RUVBL2: variants seen among roughly 807,000 people sequenced by gnomAD.
The protein encoded by RUVBL2 is RuvB like AAA ATPase 2.
Under a neutral mutation model 57.9 loss-of-function variants are expected in RUVBL2, and 9 were observed. The ratio of observed to expected loss-of-function variants is 0.16; its 90% CI spans 0.09 to 0.27. The LOEUF (loss-of-function observed/expected upper bound fraction) is 0.27, where lower values mean the gene tolerates loss of function less well. RUVBL2 is among the 10% of genes least tolerant of loss of function. RUVBL2 has a pLI of 1.00. For missense variants in RUVBL2, 456 were observed against 669.6 expected (o/e 0.68, Z 3.52); for synonymous variants, 278 against 264.6 (o/e 1.05, Z -0.49).
In RUVBL2 at chr19:49,004,258, G is replaced by T; in HGVS notation, c.124-19G>T. 2 of 1,608,228 alleles carry T rather than the reference G, an allele frequency of 1.2e-6. No homozygotes were observed. The highest frequency in any genetic ancestry group is 8.5e-7 in the Non-Finnish European group (1 of 1,179,494). ...GTAGCCCCACAGGAAATCACCTCAT[G>T]TGCGCCTCCCACCCACAGGCTTCGC... On this transcript the variant is annotated intron_variant, in intron 3 of 14. Coordinates refer to ENST00000595090, the MANE Select transcript of RUVBL2 (RefSeq NM_006666.3).
intron 11 of RUVBL2, among the ~76,000 whole-genome samples, chr19:49,012,504 G>A (rs965537123): frequency 2.0e-5 from 3 of 152,168 alleles, no homozygotes; most frequent in Non-Finnish European, 4.4e-5. Flanking sequence ...GACTGCCCAG[G>A]GGCACCTCCT....
intron 1 of RUVBL2, among the ~76,000 whole-genome samples, chr19:48,997,331 A>G (rs1276138957): frequency 6.6e-6 from 1 of 152,132 alleles, no homozygotes; most frequent in Non-Finnish European, 1.5e-5. Flanking sequence ...ATGTATCAGA[A>G]CTCCATTCCT....
At position 49,011,344 on chromosome 19, in the gene RUVBL2, G is replaced by A. The variant is rs1458596155; in HGVS notation, c.1001+34G>A. On this transcript the variant is annotated intron_variant, in intron 11 of 14. Transcript: ENST00000595090. This position sits in a 1 kb window ranked among gnomAD's most constrained non-coding sequence, Gnocchi z 4.4. Reference sequence around the variant, plus strand: ...GCTACAGGGGCCTCTGGGGAAAACAGGATGCTCTGGGCAGTGGGTGTGGTC... The same window carrying A: ...GCTACAGGGGCCTCTGGGGAAAACAAGATGCTCTGGGCAGTGGGTGTGGTC... 4 of 1,554,366 alleles carry A rather than the reference G, an allele frequency of 2.6e-6. No individual in the cohort carries two copies. In the African/African-American group the frequency reaches 5.4e-5, roughly 21 times the overall value.
At chr19:49,015,502 C>A in intron 13 of RUVBL2, 70 bp from the exon 14 acceptor site, 1 of 1,151,030 alleles carries the variant, frequency 8.7e-7, no homozygotes, top group Non-Finnish European at 1.3e-6. Context: ...ATGGAGGTGG[C>A]ATACGCTGGG....
intron 3 of RUVBL2, among the ~76,000 whole-genome samples, chr19:49,003,711 G>A (rs1380422555): frequency 6.6e-6 from 1 of 151,824 alleles, no homozygotes. Flanking sequence ...TTGAACCTGG[G>A]AGGTGGAGGT....
intron 4 of RUVBL2, among the ~76,000 whole-genome samples, chr19:49,005,082 A>G (rs1040458608): frequency 6.6e-6 from 1 of 151,942 alleles, no homozygotes; most frequent in African/African-American, 2.4e-5. Context: ...CTAGTGGTTT[A>G]TGATCTTTTC....
At chr19:49,002,836 C>T (rs928153449) in intron 2 of RUVBL2, among the ~76,000 whole-genome samples, 3 of 152,114 alleles carry the variant, frequency 2.0e-5, no homozygotes, top group African/African-American at 4.8e-5. Flanking sequence ...CCGCCCGCCT[C>T]GGCCTCCCAA....
chr19:49,005,641 T>C (rs2039268261), intron 4 of RUVBL2, among the ~76,000 whole-genome samples: 1 of 109,608 alleles, frequency 9.1e-6, no homozygotes, highest in Middle Eastern at 4.5e-3. Flanking sequence ...CTCTTCTTCA[T>C]TTTTTTTTTT....
rs1405589790 is a variant in RUVBL2, at chr19:49,015,079, G to A, written c.1180G>A (p.Gly394Arg). The A allele has an allele frequency of 6.2e-7, 1 of 1,609,700 alleles. No homozygotes were observed. Residue 394 changes from glycine to arginine, a missense_variant, in exon 13 of 15, where the codon GGG becomes AGG. By Grantham distance (125) the Gly-to-Arg change is moderately radical (BLOSUM62 -2). Transcript: ENST00000595090. Reference sequence around the variant, plus strand: ...CGCCTACACGGTGCTGACCCGCATCGGGCTGGAGACGTCACTGCGCTACGC... The same window carrying A: ...CGCCTACACGGTGCTGACCCGCATCAGGCTGGAGACGTCACTGCGCTACGC... ...EDAYTVLTRI[G>R]LETSLRYAIQ... is the part of the protein sequence containing the mutation.
rs1182501198 is a variant in RUVBL2 at position 49,007,179 on chromosome 19, C to T, written c.395+32C>T. On this transcript the variant is annotated intron_variant, in intron 5 of 14. Coordinates refer to ENST00000595090, the MANE Select transcript of RUVBL2 (RefSeq NM_006666.3). ...GGGGGACCCGAGGCGGGTGCCAGAC[C>T]CCAGAGCCTGGGAGCAACCCCGCAC... 3 of 1,612,452 alleles carry T rather than the reference C, an allele frequency of 1.9e-6. No homozygotes were observed. The African/African-American group carries it at 4.0e-5, about 21-fold the overall frequency.
At chr19:49,010,409 A>T in intron 8 of RUVBL2, 79 bp from the exon 9 acceptor site, 1 of 1,387,550 alleles carries the variant, frequency 7.2e-7, no homozygotes, top group Admixed American at 1.7e-5. Context: ...AGTCTCCCCC[A>T]GACAGAGGGC....
At chr19:49,010,115 T>C in intron 8 of RUVBL2, 49 bp downstream of exon 8, 2 of 1,519,094 alleles carry the variant, frequency 1.3e-6, no homozygotes, top group Non-Finnish European at 1.8e-6. Context: ...CTGGGGTGTT[T>C]TCATCTCCTC....
chr19:49,001,999 A>G (rs1377336054), intron 2 of RUVBL2, among the ~76,000 whole-genome samples: 1 of 151,970 alleles, frequency 6.6e-6, no homozygotes, highest in Non-Finnish European at 1.5e-5. Context: ...AGGCAGCCAC[A>G]GACAGTATAT....
intron 7 of RUVBL2, 35 bp downstream of exon 7, chr19:49,009,917 G>T (rs1446015225): frequency 1.2e-6 from 2 of 1,612,926 alleles, no homozygotes; most frequent in Non-Finnish European, 1.7e-6. Flanking sequence ...GCAGCCAGGG[G>T]GATGGGCGAG....
rs911653016 is a variant in RUVBL2, at chr19:49,011,122, G to T, written c.882+29G>T. 14 of 1,601,710 alleles carry T rather than the reference G, an allele frequency of 8.7e-6. No homozygotes were observed. In the African/African-American group the frequency reaches 1.9e-4, roughly 21 times the overall value. Reference sequence around the variant, plus strand: ...AGGACCCAGGACATGGCCGGGGCGGGTGGTGGGGTGGAGGTGGGCCGGGGA... The same window carrying T: ...AGGACCCAGGACATGGCCGGGGCGGTTGGTGGGGTGGAGGTGGGCCGGGGA... On this transcript the variant is annotated intron_variant, in intron 10 of 14. Coordinates refer to ENST00000595090, the MANE Select transcript of RUVBL2 (RefSeq NM_006666.3). This position sits in a 1 kb window ranked among gnomAD's most constrained non-coding sequence, Gnocchi z 4.4.
rs371972644 is a variant in RUVBL2, at chr19:49,009,937, A to C, written c.570-36A>C. The C allele has an allele frequency of 5.4e-5, 87 of 1,611,838 alleles. No individual in the cohort carries two copies. The African/African-American group carries it at 1.1e-3, about 20-fold the overall frequency. On this transcript the variant is annotated intron_variant, in intron 7 of 14. Transcript: ENST00000595090. ...CAGGGGGATGGGCGAGCTTGGGCCC[A>C]TTCCTTTCCTTACCCTACCCCCCAT...
At chr19:49,012,575 G>A (rs548917981) in intron 11 of RUVBL2, among the ~76,000 whole-genome samples, 2 of 152,216 alleles carry the variant, frequency 1.3e-5, no homozygotes, top group South Asian at 4.2e-4. Flanking sequence ...TGAGAATCTC[G>A]CTTGCTAAGA....
chr19:48,993,721 C>G (rs1426958305), upstream of RUVBL2: 3 of 689,096 alleles, frequency 4.4e-6, no homozygotes, highest in Non-Finnish European at 7.5e-6. Flanking sequence ...CCCAGGAGTT[C>G]CGGACGCCCG....
chr19:48,998,925 G>A (rs555488152), intron 1 of RUVBL2, among the ~76,000 whole-genome samples: 2 of 151,846 alleles, frequency 1.3e-5, no homozygotes, highest in African/African-American at 4.8e-5. Flanking sequence ...CTAGTCAGGA[G>A]GCTGAGGCAG....
Sources: gnomAD v4.1 joint callset for allele counts (sites outside exome capture counted in the v4.1 genomes callset) on GRCh38, gnomAD v4.1.1 for gene constraint, Gnocchi (gnomAD v3.1) non-coding constraint, MANE v1.5 for transcripts, NCBI Gene and HGNC (gene_info 2026-07-23, HGNC 2026-07-21) for gene names.